The following ABHD6 variants were observed in gnomAD, a reference collection of about 807,000 sequenced individuals.
ABHD6 encodes the protein abhydrolase domain containing 6, acylglycerol lipase.
A neutral mutation model predicts 38.8 loss-of-function variants in ABHD6; 33 were observed. The observed-to-expected ratio is 0.85, with a 90% CI of 0.64 to 1.14. ABHD6 has a LOEUF of 1.14. ABHD6 is among the 50% of genes most tolerant of loss of function. The pLI is 0.00. For synonymous variants in ABHD6, 147 were observed against 161.6 expected (o/e 0.91, Z 0.69); for missense variants, 380 against 422.6 (o/e 0.90, Z 0.88).
At chr3:58,244,424 G>A (rs371923134) in intron 1 of ABHD6, among the ~76,000 whole-genome samples, 1 of 152,002 alleles carries the variant, frequency 6.6e-6, no homozygotes, top group East Asian at 1.9e-4. Context: ...TTAATTGGAA[G>A]GACTTATCAT....
chr3:58,241,606 A>G (rs2097422856), intron 1 of ABHD6, among the ~76,000 whole-genome samples: 1 of 152,218 alleles, frequency 6.6e-6, no homozygotes, highest in African/African-American at 2.4e-5. Context: ...GCCTTGTGAT[A>G]TACCCAGAAA....
chr3:58,243,455 T>A (rs2097424202), intron 1 of ABHD6, among the ~76,000 whole-genome samples: 1 of 152,086 alleles, frequency 6.6e-6, no homozygotes, highest in Admixed American at 6.6e-5. Flanking sequence ...GAGGAAAGTC[T>A]AAGTGAAGGA....
intron 1 of ABHD6, among the ~76,000 whole-genome samples, chr3:58,239,050 G>A (rs1371664228): frequency 1.3e-5 from 2 of 152,008 alleles, no homozygotes; most frequent in African/African-American, 4.8e-5. Flanking sequence ...AGGAATATGA[G>A]GCTTCCAGAG....
intron 7 of ABHD6, among the ~76,000 whole-genome samples, chr3:58,277,069 T>C (rs903645778): frequency 5.3e-5 from 8 of 152,224 alleles, no homozygotes; most frequent in Non-Finnish European, 1.2e-4. Flanking sequence ...CTTTGTTCTT[T>C]TTGCTTAGAA....
At chr3:58,248,260 G>C (rs1374103532) in intron 1 of ABHD6, among the ~76,000 whole-genome samples, 1 of 152,164 alleles carries the variant, frequency 6.6e-6, no homozygotes, top group Non-Finnish European at 1.5e-5. Context: ...TTGCAAAGCT[G>C]TATCATCATT....
In ABHD6 at chr3:58,267,410, A is replaced by G; in HGVS notation, c.276+65A>G. 1 of 1,587,190 alleles carries G rather than the reference A, an allele frequency of 6.3e-7. No homozygotes were observed. The highest frequency in any genetic ancestry group is 1.1e-5 in the South Asian group (1 of 89,180). ...TTGGGTGCTGTGGCTCATGCCTATAATCCCAGCACTTTGGGAGCCTGAGGC... is the reference window on the plus strand; with the variant it reads ...TTGGGTGCTGTGGCTCATGCCTATAGTCCCAGCACTTTGGGAGCCTGAGGC... On this transcript the variant is annotated intron_variant, in intron 4 of 9. Coordinates refer to ENST00000478253, the MANE Select transcript of ABHD6 (RefSeq NM_001320126.2). This position sits in a 1 kb window ranked among gnomAD's most constrained non-coding sequence, Gnocchi z 4.3.
rs2097446238 is a variant in ABHD6, at chr3:58,273,150, A to G, written c.524-1508A>G. ...TGCTTCATGGCATCGTGAAAGCCAT[A>G]CATCATACCCATGTTAGATTTAAAG... On this transcript the variant is annotated intron_variant, in intron 6 of 9. Transcript: ENST00000478253. The surrounding 1 kb of genome is among the most constrained non-coding windows in gnomAD (Gnocchi z 4.8). Among the ~76,000 whole-genome samples the G allele has an allele frequency of 1.3e-5, 2 of 152,200 alleles. No individual in the cohort carries two copies. The highest frequency in any genetic ancestry group is 2.9e-5 in the Non-Finnish European group (2 of 68,032).
intron 3 of ABHD6, among the ~76,000 whole-genome samples, chr3:58,262,420 G>C (rs66488545): frequency 0.18 from 27,598 of 152,140 alleles, 4,232 homozygotes; most frequent in East Asian, 0.79. Flanking sequence ...CTGGGCTCCA[G>C]GAGACTTTAT....
Position 58,267,349 on chromosome 3 carries a change from C to A in ABHD6, c.276+4C>A. The A allele has an allele frequency of 6.2e-7, 1 of 1,613,928 alleles. No homozygotes were observed. Reference sequence around the variant, plus strand: ...TATGTGGCTCAGTGTGGTCAAGGTGCAATTCTCGATTCTTCTCTCTTATAA... The same window carrying A: ...TATGTGGCTCAGTGTGGTCAAGGTGAAATTCTCGATTCTTCTCTCTTATAA... On this transcript the variant is annotated splice_donor_region_variant and intron_variant, in intron 4 of 9. Transcript: ENST00000478253. This position sits in a 1 kb window ranked among gnomAD's most constrained non-coding sequence, Gnocchi z 4.3.
At chr3:58,283,493 T>C (rs926406920) in intron 7 of ABHD6, among the ~76,000 whole-genome samples, 2 of 152,224 alleles carry the variant, frequency 1.3e-5, no homozygotes, top group Non-Finnish European at 1.5e-5. Context: ...AGTGCTTGCA[T>C]GAAGTAGGTC....
rs932873829 is a variant in ABHD6, at chr3:58,287,451, G to A, written c.837+1998G>A. Among the ~76,000 whole-genome samples, 11 of 152,034 alleles carry A rather than the reference G, an allele frequency of 7.2e-5. No homozygotes were observed. Among genetic ancestry groups the A allele is most frequent in the South Asian group, 4.2e-4 (2 of 4,812 alleles). ...GGAGCAGCCAGGCTGTGCCCATGGCGTGTACGCAGAATAAGAGGCAATGGT... is the reference window on the plus strand; with the variant it reads ...GGAGCAGCCAGGCTGTGCCCATGGCATGTACGCAGAATAAGAGGCAATGGT... On this transcript the variant is annotated intron_variant, in intron 9 of 9. Coordinates refer to ENST00000478253, the MANE Select transcript of ABHD6 (RefSeq NM_001320126.2). The surrounding 1 kb of genome is among the most constrained non-coding windows in gnomAD (Gnocchi z 4.7).
Position 58,257,084 on chromosome 3 carries a change from T to G in ABHD6, c.119+379T>G, listed in dbSNP as rs1306334549. Among the ~76,000 whole-genome samples the G allele has an allele frequency of 6.6e-6, 1 of 152,112 alleles. No individual in the cohort carries two copies. The highest frequency in any genetic ancestry group is 2.4e-5 in the African/African-American group (1 of 41,422). ...CACGCCCGGCTAATTTTTTTTGTAT[T>G]TTTAGTACAGATGGGGTTTCACCAT... On this transcript the variant is annotated intron_variant, in intron 3 of 9. Transcript: ENST00000478253. This position sits in a 1 kb window ranked among gnomAD's most constrained non-coding sequence, Gnocchi z 4.8.
intron 3 of ABHD6, among the ~76,000 whole-genome samples, chr3:58,264,984 G>T (rs1355010494): frequency 1.4e-5 from 2 of 143,998 alleles, no homozygotes; most frequent in African/African-American, 5.2e-5. Context: ...ATCAATAGTA[G>T]GTCTTATTCA....
Position 58,251,015 on chromosome 3 carries a change from C to T in ABHD6, c.-26+1073C>T, listed in dbSNP as rs183337250. On this transcript the variant is annotated intron_variant, in intron 2 of 9. Transcript: ENST00000478253. This position sits in a 1 kb window ranked among gnomAD's most constrained non-coding sequence, Gnocchi z 5.4. Reference sequence around the variant, plus strand: ...CTAGGAGGTTAGACTGATGCAATTACTGTCAGCAGAAATCAGTAAGTCGGC... The same window carrying T: ...CTAGGAGGTTAGACTGATGCAATTATTGTCAGCAGAAATCAGTAAGTCGGC... Among the ~76,000 whole-genome samples, 239 of 152,232 alleles carry T rather than the reference C, an allele frequency of 1.6e-3. 1 individual carries two copies. Among genetic ancestry groups the T allele is most frequent in the Non-Finnish European group, 2.5e-4 (17 of 68,016 alleles).
At chr3:58,276,973 A>C (rs1028592022) in intron 7 of ABHD6, among the ~76,000 whole-genome samples, 1 of 152,130 alleles carries the variant, frequency 6.6e-6, no homozygotes, top group Non-Finnish European at 1.5e-5. Flanking sequence ...ATTTGTCTAT[A>C]TATCTGTTTT....
At chr3:58,288,525 C>T (rs1322076325) in intron 9 of ABHD6, among the ~76,000 whole-genome samples, 1 of 152,170 alleles carries the variant, frequency 6.6e-6, no homozygotes, top group African/African-American at 2.4e-5. Flanking sequence ...CAGCACCGTG[C>T]CTGGTATGCA....
At chr3:58,240,973 G>A (rs1399402353) in intron 1 of ABHD6, among the ~76,000 whole-genome samples, 1 of 151,804 alleles carries the variant, frequency 6.6e-6, no homozygotes, top group African/African-American at 2.4e-5. Context: ...CAGGTGATCT[G>A]CCCGCCTCTA....
intron 2 of ABHD6, among the ~76,000 whole-genome samples, chr3:58,252,812 A>G (rs1383220572): frequency 6.6e-6 from 1 of 152,164 alleles, no homozygotes; most frequent in African/African-American, 2.4e-5. Flanking sequence ...GGGTACATAG[A>G]GTACTCTAGA....
chr3:58,238,847 C>T lies in ABHD6; in HGVS notation c.-91+931C>T, dbSNP rs980402678. 1.3e-5 allele frequency among the ~76,000 whole-genome samples: 2 copies of T among 152,126 alleles called. No homozygotes were observed. Among genetic ancestry groups the T allele is most frequent in the African/African-American group, 2.4e-5 (1 of 41,428 alleles). On this transcript the variant is annotated intron_variant, in intron 1 of 9. Coordinates refer to ENST00000478253, the MANE Select transcript of ABHD6 (RefSeq NM_001320126.2). This position sits in a 1 kb window ranked among gnomAD's most constrained non-coding sequence, Gnocchi z 6.9. ...TCGCCGCCCCCCTCCCCGCTGCTCC[C>T]GCCTGCTCAGAAATCCCTAGTGGCT...
Sources: gnomAD v4.1 joint callset for allele counts (sites outside exome capture counted in the v4.1 genomes callset) on GRCh38, gnomAD v4.1.1 for gene constraint, Gnocchi (gnomAD v3.1) non-coding constraint, MANE v1.5 for transcripts, NCBI Gene and HGNC (gene_info 2026-07-23, HGNC 2026-07-21) for gene names.